LRMDA: variants seen among roughly 807,000 people sequenced by gnomAD.
LRMDA encodes the protein leucine-rich melanocyte differentiation-associated protein.
In LRMDA, 18 loss-of-function variants were observed where a neutral mutation model predicts 29.8. The observed-to-expected ratio is 0.60, with a 90% CI of 0.42 to 0.90. The LOEUF (loss-of-function observed/expected upper bound fraction) is 0.90, where lower values mean the gene tolerates loss of function less well. Ranked by LOEUF, LRMDA falls within the 40% of genes least tolerant of loss-of-function variation. LRMDA has a pLI of 0.00. For synonymous variants in LRMDA, 125 were observed against 109.4 expected, an observed-to-expected ratio of 1.14 and a Z score of -0.89; for missense variants, 273 against 273.9, an observed-to-expected ratio of 1.00 and a Z score of 0.02.
intron 6 of LRMDA, among the ~76,000 whole-genome samples, chr10:76,336,019 A>G (rs1283140039): frequency 6.9e-6 from 1 of 144,938 alleles, no homozygotes; most frequent in African/African-American, 2.7e-5. Context: ...GTCTATTAAG[A>G]TAGTTGAGGG....
intron 2 of LRMDA, among the ~76,000 whole-genome samples, chr10:75,519,508 C>CT (rs1222084004): frequency 2.0e-5 from 3 of 152,098 alleles, no homozygotes; most frequent in Non-Finnish European, 2.9e-5. Context: ...GCACCTCCTG[C>CT]TTTTTTTTGT....
chr10:75,648,897 C>G (rs4745786), intron 2 of LRMDA, among the ~76,000 whole-genome samples: 6,892 of 152,162 alleles, frequency 0.045, 394 homozygotes, highest in African/African-American at 0.14. Context: ...GTTGAAAACT[C>G]GAACTTCCAG....
At chr10:76,545,294 G>A (rs1299433146) in intron 6 of LRMDA, among the ~76,000 whole-genome samples, 2 of 151,230 alleles carry the variant, frequency 1.3e-5, no homozygotes, top group Non-Finnish European at 2.9e-5. Context: ...AACTGTGGAT[G>A]TTCCCTGCTT....
At chr10:76,023,141 T>G (rs551454718) in intron 2 of LRMDA, among the ~76,000 whole-genome samples, 1 of 152,078 alleles carries the variant, frequency 6.6e-6, no homozygotes, top group African/African-American at 2.4e-5. Flanking sequence ...CCAGGGCATC[T>G]CAAGATCCAT....
At chr10:76,082,905 T>C (rs1220841001) in intron 5 of LRMDA, among the ~76,000 whole-genome samples, 2 of 152,176 alleles carry the variant, frequency 1.3e-5, no homozygotes, top group Non-Finnish European at 2.9e-5. Context: ...GTATTATTTG[T>C]AGTGGTAGAA....
At chr10:75,579,968 C>T (rs1311085593) in intron 2 of LRMDA, among the ~76,000 whole-genome samples, 23 of 152,192 alleles carry the variant, frequency 1.5e-4, no homozygotes, top group Admixed American at 9.8e-4. Context: ...CAATATCATA[C>T]TGAATGGGCA....
At chr10:76,317,944 T>C (rs1301444288) in intron 5 of LRMDA, among the ~76,000 whole-genome samples, 1 of 152,218 alleles carries the variant, frequency 6.6e-6, no homozygotes, top group African/African-American at 2.4e-5. Flanking sequence ...AACCACAACC[T>C]ATGTATTATT....
rs1358403743 is a variant in LRMDA, at chr10:76,048,548, T to G, written c.398+1245T>G. Among the ~76,000 whole-genome samples, 3 of 152,322 alleles carry G rather than the reference T, an allele frequency of 2.0e-5. No homozygotes were observed. The East Asian group carries it at 5.8e-4, about 29-fold the overall frequency. On this transcript the variant is annotated intron_variant, in intron 4 of 6. Transcript: ENST00000611255. ...TGGGGTCAGATCAGAAGATCTGATG[T>G]GGAGTCCGGCTTTCCCAGTGGGGCT...
At chr10:75,752,304 C>T (rs1842978960) in intron 2 of LRMDA, among the ~76,000 whole-genome samples, 1 of 151,308 alleles carries the variant, frequency 6.6e-6, no homozygotes. Flanking sequence ...CTCCGCCTCC[C>T]AGGCTCATGC....
intron 6 of LRMDA, among the ~76,000 whole-genome samples, chr10:76,490,353 TC>T (rs1842821226): frequency 6.6e-6 from 1 of 152,012 alleles, no homozygotes; most frequent in African/African-American, 2.4e-5. Context: ...GGAAGATCTG[TC>T]CAATGATGAA....
At chr10:75,961,602 T>C (rs1009145732) in intron 2 of LRMDA, among the ~76,000 whole-genome samples, 1 of 152,172 alleles carries the variant, frequency 6.6e-6, no homozygotes, top group Non-Finnish European at 1.5e-5. Context: ...GAGCTCCTAC[T>C]TCTCAGTCGA....
At chr10:76,071,390 G>C (rs1191305629) in intron 5 of LRMDA, among the ~76,000 whole-genome samples, 1 of 152,180 alleles carries the variant, frequency 6.6e-6, no homozygotes, top group Non-Finnish European at 1.5e-5. Context: ...AAAAGAGAAA[G>C]AGAGGTTCTA....
At chr10:76,301,933 AT>A (rs1367992947) in intron 5 of LRMDA, among the ~76,000 whole-genome samples, 1 of 152,166 alleles carries the variant, frequency 6.6e-6, no homozygotes, top group African/African-American at 2.4e-5. Context: ...TAGTTTTAGA[AT>A]TTGTTTCCTT....
intron 6 of LRMDA, among the ~76,000 whole-genome samples, chr10:76,341,797 G>C (rs1329953690): frequency 6.6e-6 from 1 of 152,148 alleles, no homozygotes. Flanking sequence ...TGGCTCATTT[G>C]GGCTTTTCAT....
chr10:76,065,186 A>G (rs2132062041), intron 5 of LRMDA, among the ~76,000 whole-genome samples: 1 of 152,308 alleles, frequency 6.6e-6, no homozygotes, highest in African/African-American at 2.4e-5. Flanking sequence ...GTATTTCTCC[A>G]TTTTTAGAAC....
intron 5 of LRMDA, among the ~76,000 whole-genome samples, chr10:76,160,332 T>G (rs947191158): frequency 2.6e-5 from 4 of 152,018 alleles, no homozygotes. Flanking sequence ...TAAAAAGTTC[T>G]TAATGTAAAA....
intron 2 of LRMDA, among the ~76,000 whole-genome samples, chr10:75,448,058 G>A (rs1279845115): frequency 2.0e-5 from 3 of 152,142 alleles, no homozygotes; most frequent in Non-Finnish European, 2.9e-5. Flanking sequence ...GGTAAGACTG[G>A]CCCAGGAGGT....
intron 2 of LRMDA, among the ~76,000 whole-genome samples, chr10:75,775,281 G>A (rs1272631623): frequency 1.3e-5 from 2 of 152,194 alleles, no homozygotes; most frequent in African/African-American, 4.8e-5. Flanking sequence ...GTCTTGCTAT[G>A]TTGCCCAGGC....
intron 6 of LRMDA, among the ~76,000 whole-genome samples, chr10:76,539,339 C>T (rs1369764903): frequency 6.6e-6 from 1 of 152,060 alleles, no homozygotes; most frequent in African/African-American, 2.4e-5. Context: ...AGGAAATCTG[C>T]CTAGATGATA....
Sources: allele counts gnomAD v4.1 joint callset (sites outside exome capture counted in the v4.1 genomes callset), GRCh38; gene constraint gnomAD v4.1.1; transcripts MANE v1.5; gene names NCBI Gene and HGNC (gene_info 2026-07-23, HGNC 2026-07-21).